The following SEC23B variants were observed in gnomAD, a reference collection of about 807,000 sequenced individuals.
SEC23B encodes the protein SEC23 homolog B, COPII component.
Under a neutral mutation model 104.3 loss-of-function variants are expected in SEC23B, and 77 were observed. The ratio of observed to expected loss-of-function variants is 0.74; its 90% CI spans 0.61 to 0.89. The LOEUF is 0.89. Among genes scored for constraint, SEC23B ranks in the 40% least tolerant of loss-of-function variants. The probability of loss-of-function intolerance (pLI) is 0.00; values close to 1 mark genes in which losing one functional copy is unlikely to be tolerated. For missense variants in SEC23B, 885 were observed against 949.4 expected (o/e 0.93, Z 0.89); for synonymous variants, 338 against 332.5 (o/e 1.02, Z -0.18).
At chr20:18,515,760 A>G in intron 4 of SEC23B, 24 bp downstream of exon 4, 1 of 1,339,416 alleles carries the variant, frequency 7.5e-7, no homozygotes, top group South Asian at 1.2e-5. Flanking sequence ...TGTGCATTTA[A>G]TGAGCAATGT....
In SEC23B at chr20:18,544,578, T is replaced by TG. The variant is rs113807444; in HGVS notation, c.1666-1374dup. The stretch of plus-strand genomic sequence containing the variant: ...TGTCACAGGAGGCTAGGTTGTGCAG[T>TG]GGGGAACAGAGTCAGGGAAGGTACA... On this transcript the variant is annotated intron_variant, in intron 14 of 19. Transcript: ENST00000650089. Among the ~76,000 whole-genome samples the TG allele has an allele frequency of 8.0e-3, 1,214 of 152,272 alleles. 8 individuals are homozygous for TG. Among genetic ancestry groups the TG allele is most frequent in the Middle Eastern group, 0.014 (4 of 294 alleles).
Position 18,524,528 on chromosome 20 carries a change from C to G in SEC23B, c.462C>G (p.Ser154=). The G allele has an allele frequency of 6.2e-7, 1 of 1,614,116 alleles. No individual in the cohort carries two copies. Among genetic ancestry groups the G allele is most frequent in the South Asian group, 1.1e-5 (1 of 91,084 alleles). ...LQALKESLQM[S]LSLLPPDALV... is the part of the protein sequence containing the mutation. ...CACTCAAAGAGTCCCTGCAGATGTC[C>G]CTGAGTCTTCTTCCTCCAGATGCTC... The change falls in exon 5 of 20, where the codon TCC becomes TCG. Residue 154 remains serine (S), a synonymous_variant. Transcript: ENST00000650089.
intron 17 of SEC23B, 25 bp from the exon 18 acceptor site, chr20:18,554,209 GT>G: frequency 6.2e-7 from 1 of 1,614,078 alleles, no homozygotes; most frequent in Non-Finnish European, 8.5e-7. Context: ...TTCCACAATA[GT>G]TTTGGTTGGT....
chr20:18,555,166 G>A lies in SEC23B; in HGVS notation c.2207G>A (p.Trp736Ter), dbSNP rs1252418830. Residue 736 changes from tryptophan to a stop codon, truncating the protein, a stop_gained, in exon 19 of 20, where the codon TGG becomes TAG. Coordinates refer to ENST00000650089, the MANE Select transcript of SEC23B (RefSeq NM_006363.6). LOFTEE classifies it high-confidence loss of function. ...PSQTHNNLYAWGQETGAPILT... is the reference protein window; with the variant it reads ...PSQTHNNLYA ...CAGACACACAATAACCTGTATGCTT[G>A]GGGACAGGTAAGAAATCTTCAGGTA... 2 of 1,613,116 alleles carry A rather than the reference G, an allele frequency of 1.2e-6. No individual in the cohort carries two copies. The highest frequency in any genetic ancestry group is 1.7e-6 in the Non-Finnish European group (2 of 1,179,192).
chr20:18,514,857 T>C (rs7262341), intron 3 of SEC23B, among the ~76,000 whole-genome samples: 1,664 of 152,300 alleles, frequency 0.011, 36 homozygotes, highest in African/African-American at 0.038. Flanking sequence ...TTTCCTGGAC[T>C]TGCCAATTTT....
chr20:18,559,679 T>C (rs1021087092), intron 19 of SEC23B, among the ~76,000 whole-genome samples: 1 of 152,146 alleles, frequency 6.6e-6, no homozygotes, highest in Non-Finnish European at 1.5e-5. Context: ...TTTTGTTGTT[T>C]TGTTTTGTTT....
At chr20:18,537,625 T>C (rs981105590) in intron 12 of SEC23B, among the ~76,000 whole-genome samples, 22 of 152,078 alleles carry the variant, frequency 1.4e-4, no homozygotes, top group African/African-American at 4.6e-4. Context: ...TTAGGAGATA[T>C]AACTAATGCT....
chr20:18,521,406 C>G (rs1600235691), intron 4 of SEC23B, among the ~76,000 whole-genome samples: 1 of 152,058 alleles, frequency 6.6e-6, no homozygotes, highest in Admixed American at 6.5e-5. Context: ...GGGTTTTTGC[C>G]AAACGGGCCA....
chr20:18,531,133 T>C (rs1175331123), intron 10 of SEC23B, among the ~76,000 whole-genome samples: 2 of 152,270 alleles, frequency 1.3e-5, no homozygotes, highest in Non-Finnish European at 1.5e-5. Flanking sequence ...TATTTATTTA[T>C]GTTCTAAGTA....
intron 15 of SEC23B, 52 bp from the exon 16 acceptor site, chr20:18,548,557 C>A: frequency 6.4e-7 from 1 of 1,574,702 alleles, no homozygotes. Flanking sequence ...CTGTGGGTGT[C>A]TAAGAAGGTT....
intron 1 of SEC23B, among the ~76,000 whole-genome samples, chr20:18,510,425 A>G (rs2059971365): frequency 6.6e-6 from 1 of 152,226 alleles, no homozygotes; most frequent in East Asian, 1.9e-4. Flanking sequence ...GAAAAGAAAT[A>G]CTGTCATTCT....
intron 2 of SEC23B, 147 bp from the exon 3 acceptor site, chr20:18,512,078 C>T: frequency 3.7e-6 from 2 of 542,592 alleles, no homozygotes; most frequent in South Asian, 5.7e-5. Context: ...GTTTTGCATA[C>T]TCATACTTAT....
intron 14 of SEC23B, 29 bp downstream of exon 14, chr20:18,543,201 A>C: frequency 6.2e-7 from 1 of 1,613,924 alleles, no homozygotes; most frequent in East Asian, 2.2e-5. Flanking sequence ...CATTAGGTTC[A>C]GTCTTGGTTT....
At chr20:18,534,540 T>G (rs2148907555) in intron 11 of SEC23B, among the ~76,000 whole-genome samples, 1 of 152,338 alleles carries the variant, frequency 6.6e-6, no homozygotes, top group South Asian at 2.1e-4. Context: ...GTTAGATCGC[T>G]TGGTGATGGT....
Position 18,543,187 on chromosome 20 carries a change from G to C in SEC23B, c.1665+15G>C, listed in dbSNP as rs770167304. 6.2e-7 allele frequency: 1 copy of C among 1,614,168 alleles called. No homozygotes were observed. The highest frequency in any genetic ancestry group is 1.1e-5 in the South Asian group (1 of 91,086). On this transcript the variant is annotated intron_variant, in intron 14 of 19. Coordinates refer to ENST00000650089, the MANE Select transcript of SEC23B (RefSeq NM_006363.6). ...TCATCCGACTGGTAAATTGGGGACA[G>C]TGGCATTAGGTTCAGTCTTGGTTTC...
intron 6 of SEC23B, 113 bp from the exon 7 acceptor site, chr20:18,525,671 CCAGT>C (rs1480132812): frequency 8.2e-6 from 9 of 1,094,372 alleles, no homozygotes; most frequent in African/African-American, 1.6e-5. Context: ...AAAAAAATTA[CCAGT>C]CAGTTACTAC....
intron 10 of SEC23B, among the ~76,000 whole-genome samples, chr20:18,531,587 C>A (rs1053827085): frequency 7.5e-6 from 1 of 133,432 alleles, no homozygotes; most frequent in African/African-American, 2.8e-5. Context: ...ACGTAGGAGG[C>A]GGAGGTTGCG....
intron 11 of SEC23B, among the ~76,000 whole-genome samples, chr20:18,535,328 T>C (rs1030541507): frequency 6.6e-6 from 1 of 151,846 alleles, no homozygotes; most frequent in African/African-American, 2.4e-5. Flanking sequence ...TGAGCTGTGA[T>C]TGTGTCACGG....
At chr20:18,523,914 G>A (rs375968261) in intron 4 of SEC23B, among the ~76,000 whole-genome samples, 4 of 151,788 alleles carry the variant, frequency 2.6e-5, no homozygotes, top group South Asian at 4.2e-4. Flanking sequence ...ACGGGGTCTC[G>A]CCATGTTGGC....
Sources: gnomAD v4.1 joint callset for allele counts (sites outside exome capture counted in the v4.1 genomes callset) on GRCh38, gnomAD v4.1.1 for gene constraint, MANE v1.5 for transcripts, NCBI Gene and HGNC (gene_info 2026-07-23, HGNC 2026-07-21) for gene names.